The following TRABD2B variants were observed in gnomAD, a reference collection of about 807,000 sequenced individuals.
The protein encoded by TRABD2B is TraB domain containing 2B.
Under a neutral mutation model 40.1 loss-of-function variants are expected in TRABD2B, and 14 were observed. The ratio of observed to expected loss-of-function variants is 0.35; its 90% CI spans 0.23 to 0.55. The LOEUF (loss-of-function observed/expected upper bound fraction) is 0.55, where lower values mean the gene tolerates loss of function less well. TRABD2B is among the 20% of genes least tolerant of loss of function. The pLI, the probability that TRABD2B is intolerant of heterozygous loss-of-function variation, is 0.90. For synonymous variants in TRABD2B, 263 were observed against 277.0 expected, an observed-to-expected ratio of 0.95 and a Z score of 0.50; for missense variants, 541 against 648.6, an observed-to-expected ratio of 0.83 and a Z score of 1.80.
chr1:47,839,999 G>A (rs557838648), intron 2 of TRABD2B, among the ~76,000 whole-genome samples: 1 of 152,288 alleles, frequency 6.6e-6, no homozygotes, highest in African/African-American at 2.4e-5. Flanking sequence ...CATCTCCCCT[G>A]TAAACTGTGA....
At chr1:47,805,460 G>T (rs1024700194) in intron 2 of TRABD2B, among the ~76,000 whole-genome samples, 2 of 152,034 alleles carry the variant, frequency 1.3e-5, no homozygotes, top group Non-Finnish European at 2.9e-5. Flanking sequence ...CCCTACCTCG[G>T]TGGGGTTTGG....
intron 2 of TRABD2B, among the ~76,000 whole-genome samples, chr1:47,949,466 G>T (rs1434391792): frequency 7.3e-6 from 1 of 137,004 alleles, no homozygotes; most frequent in African/African-American, 2.7e-5. Flanking sequence ...GGAGTGCAGT[G>T]GTGCGATCTT....
In TRABD2B at chr1:47,994,079, C is replaced by T; in HGVS notation, c.621G>A (p.Val207=). Reference sequence around the variant, plus strand: ...TGTTGAGGGGATGGCACTGCTCCTCCACCTGCTCCACAGCCCCTGTGGTCT... The same window carrying T: ...TGTTGAGGGGATGGCACTGCTCCTCTACCTGCTCCACAGCCCCTGTGGTCT... ...MKKTTGAVEQ[V]EEQCHPLNNG... Residue 207 remains valine, a synonymous_variant, in exon 2 of 7, where the codon GTG becomes GTA. Transcript: ENST00000606738. The surrounding 1 kb of genome is among the most constrained non-coding windows in gnomAD (Gnocchi z 6.7). 6.5e-7 allele frequency: 1 copy of T among 1,536,238 alleles called. No individual in the cohort carries two copies. The highest frequency in any genetic ancestry group is 2.4e-5 in the East Asian group (1 of 40,908).
At chr1:47,839,978 G>A (rs1009796604) in intron 2 of TRABD2B, among the ~76,000 whole-genome samples, 2 of 152,126 alleles carry the variant, frequency 1.3e-5, no homozygotes, top group East Asian at 3.9e-4. Context: ...GTAGGTCCAG[G>A]GTAGTGTGGA....
Position 47,996,599 on chromosome 1 carries a change from G to A in TRABD2B, c.102+89C>T. On this transcript the variant is annotated intron_variant, in intron 1 of 6. Transcript: ENST00000606738. The surrounding 1 kb of genome is among the most constrained non-coding windows in gnomAD (Gnocchi z 4.6). ...GTGGAGGTGGAGCGGGCGGGCTAAG[G>A]TGGGTGCGGAAGCAGGACCCAAACC... 1 of 1,183,710 alleles carries A rather than the reference G, an allele frequency of 8.4e-7. No individual in the cohort carries two copies. The highest frequency in any genetic ancestry group is 3.6e-5 in the East Asian group (1 of 27,978). 73.3% of individuals were successfully genotyped at this position (1,183,710 alleles called of 1,614,324 possible).
rs1345842479 is a variant in TRABD2B, at chr1:47,763,932, T to G, written c.*1970A>C. On this transcript the variant is annotated 3_prime_UTR_variant, in exon 7 of 7. Coordinates refer to ENST00000606738, the MANE Select transcript of TRABD2B (RefSeq NM_001194986.2). Reference sequence around the variant, plus strand: ...AACTCCAGCCTGGATTGAGGTCAAGTTCAGTTTAGAGCATGGTGCCCACAG... The same window carrying G: ...AACTCCAGCCTGGATTGAGGTCAAGGTCAGTTTAGAGCATGGTGCCCACAG... 2 of 152,244 alleles carry G rather than the reference T, an allele frequency of 1.3e-5. No individual in the cohort carries two copies. Among genetic ancestry groups the G allele is most frequent in the Admixed American group, 1.3e-4 (2 of 15,280 alleles). 9.4% of individuals were successfully genotyped at this position (152,244 alleles called of 1,614,324 possible).
intron 2 of TRABD2B, among the ~76,000 whole-genome samples, chr1:47,916,554 G>A (rs1009310569): frequency 6.6e-6 from 1 of 152,212 alleles, no homozygotes; most frequent in African/African-American, 2.4e-5. Context: ...GCCAAATCTT[G>A]GAGGTCAAGT....
At chr1:47,900,430 G>A (rs986648267) in intron 2 of TRABD2B, among the ~76,000 whole-genome samples, 33 of 152,150 alleles carry the variant, frequency 2.2e-4, no homozygotes, top group Non-Finnish European at 3.5e-4. Flanking sequence ...TCTTCACACC[G>A]ACTTTACCTG....
chr1:47,832,342 A>AT (rs1002589271), intron 2 of TRABD2B, among the ~76,000 whole-genome samples: 3 of 152,154 alleles, frequency 2.0e-5, no homozygotes, highest in African/African-American at 7.2e-5. Flanking sequence ...AAAAAAAAAA[A>AT]AGAGGTCAGA....
At chr1:47,949,991 G>A (rs1467188069) in intron 2 of TRABD2B, among the ~76,000 whole-genome samples, 1 of 152,140 alleles carries the variant, frequency 6.6e-6, no homozygotes, top group Admixed American at 6.5e-5. Context: ...TGTAAAGAAA[G>A]GAGAGAGAGG....
At chr1:47,776,946 C>T (rs1393469228) in intron 5 of TRABD2B, among the ~76,000 whole-genome samples, 1 of 152,136 alleles carries the variant, frequency 6.6e-6, no homozygotes, top group Non-Finnish European at 1.5e-5. Context: ...CACCTGTGGC[C>T]GATGATGGCT....
intron 2 of TRABD2B, among the ~76,000 whole-genome samples, chr1:47,844,688 T>C (rs139865851): frequency 3.3e-3 from 508 of 152,274 alleles, no homozygotes; most frequent in Middle Eastern, 6.8e-3. Flanking sequence ...GGAGAGGGAA[T>C]GATGGATTCA....
chr1:47,875,949 T>A (rs1202831351), intron 2 of TRABD2B, among the ~76,000 whole-genome samples: 1 of 152,194 alleles, frequency 6.6e-6, no homozygotes, highest in Non-Finnish European at 1.5e-5. Flanking sequence ...TGCTTTGTGC[T>A]GCATCAGCAC....
chr1:47,886,271 T>G (rs1231484922), intron 2 of TRABD2B, among the ~76,000 whole-genome samples: 1 of 152,176 alleles, frequency 6.6e-6, no homozygotes, highest in Non-Finnish European at 1.5e-5. Flanking sequence ...CAAGCTCTAC[T>G]TGGTCTCGGC....
intron 2 of TRABD2B, among the ~76,000 whole-genome samples, chr1:47,866,125 T>C (rs1385284731): frequency 6.6e-6 from 1 of 151,952 alleles, no homozygotes; most frequent in Non-Finnish European, 1.5e-5. Flanking sequence ...AGCAGGAAGG[T>C]GAGCCCTGTC....
At chr1:47,822,189 G>T (rs72892391) in intron 2 of TRABD2B, among the ~76,000 whole-genome samples, 38 of 151,380 alleles carry the variant, frequency 2.5e-4, no homozygotes, top group African/African-American at 8.7e-4. Flanking sequence ...CACTCCTCCA[G>T]TGGAGATTCA....
At chr1:47,939,142 C>A (rs928105737) in intron 2 of TRABD2B, among the ~76,000 whole-genome samples, 5 of 151,960 alleles carry the variant, frequency 3.3e-5, no homozygotes, top group Non-Finnish European at 7.4e-5. Context: ...AACCCCCCCA[C>A]CCCCAGGATT....
chr1:47,763,778 T>C lies in TRABD2B; in HGVS notation c.*2124A>G, dbSNP rs1644269376. On this transcript the variant is annotated 3_prime_UTR_variant, in exon 7 of 7. Transcript: ENST00000606738. ...CTGGCCTGTGTGCTTCTAATTCCTT[T>C]ACACTTATCTCATCCAAATAGTGCA... 6.6e-6 allele frequency: 1 copy of C among 152,250 alleles called. No individual in the cohort carries two copies. Among genetic ancestry groups the C allele is most frequent in the South Asian group, 2.1e-4 (1 of 4,836 alleles). The allele number at this position is 152,250 out of a possible 1,614,324, so 9.4% of individuals were successfully genotyped here. A position where few individuals can be genotyped will look rare whatever the true frequency, so the allele number is the denominator to read the frequency against.
chr1:47,877,488 G>A (rs986791990), intron 2 of TRABD2B, among the ~76,000 whole-genome samples: 1 of 152,106 alleles, frequency 6.6e-6, no homozygotes, highest in South Asian at 2.1e-4. Flanking sequence ...GATGGTACCC[G>A]ATATTGGCAG....
Sources: allele counts gnomAD v4.1 joint callset (sites outside exome capture counted in the v4.1 genomes callset), GRCh38; gene constraint gnomAD v4.1.1; non-coding constraint Gnocchi (gnomAD v3.1); transcripts MANE v1.5; gene names NCBI Gene and HGNC (gene_info 2026-07-23, HGNC 2026-07-21).